Variants in MAN1A1 observed in about 807,000 individuals in gnomAD.
The protein encoded by MAN1A1 is mannosyl-oligosaccharide 1,2-alpha-mannosidase IA.
In MAN1A1, 29 loss-of-function variants were observed where a neutral mutation model predicts 70.8. That is an observed-to-expected ratio of 0.41 (90% CI 0.31 to 0.56). The LOEUF is 0.56. Ranked by LOEUF, MAN1A1 falls within the 20% of genes least tolerant of loss-of-function variation. The pLI is 0.29. For synonymous variants in MAN1A1, 349 were observed against 330.1 expected, an observed-to-expected ratio of 1.06 and a Z score of -0.62; for missense variants, 747 against 841.3, an observed-to-expected ratio of 0.89 and a Z score of 1.39.
Position 119,179,782 on chromosome 6 carries a change from G to A in MAN1A1, c.*37C>T. ...AAAAGGAATTATTAAGGTATACAGTGAAGGGAATGGAGCAGAATAAAATAT... is the reference window on the plus strand; with the variant it reads ...AAAAGGAATTATTAAGGTATACAGTAAAGGGAATGGAGCAGAATAAAATAT... On this transcript the variant is annotated 3_prime_UTR_variant, in exon 13 of 13. Transcript: ENST00000368468. The A allele has an allele frequency of 3.2e-6, 5 of 1,583,474 alleles. No homozygotes were observed. The highest frequency in any genetic ancestry group is 3.5e-6 in the Non-Finnish European group (4 of 1,154,482).
intron 6 of MAN1A1, among the ~76,000 whole-genome samples, chr6:119,242,230 G>A (rs997877003): frequency 1.3e-5 from 2 of 152,108 alleles, no homozygotes; most frequent in South Asian, 2.1e-4. Context: ...GGATTGCCTC[G>A]CATCCTTTTA....
In MAN1A1 at chr6:119,308,800, T is replaced by C. The variant is rs531551424; in HGVS notation, c.604-1808A>G. 3.9e-5 allele frequency among the ~76,000 whole-genome samples: 6 copies of C among 152,282 alleles called. No individual in the cohort carries two copies. The South Asian group carries it at 1.2e-3, about 32-fold the overall frequency. ...TTAGTAAATTCTTCATTCCTGTAAATTTCCAAAGATACTTTATAAATTCAA... is the reference window on the plus strand; with the variant it reads ...TTAGTAAATTCTTCATTCCTGTAAACTTCCAAAGATACTTTATAAATTCAA... On this transcript the variant is annotated intron_variant, in intron 2 of 12. Coordinates refer to ENST00000368468, the MANE Select transcript of MAN1A1 (RefSeq NM_005907.4).
At chr6:119,246,993 TC>T (rs1775185291) in intron 6 of MAN1A1, among the ~76,000 whole-genome samples, 1 of 151,674 alleles carries the variant, frequency 6.6e-6, no homozygotes, top group African/African-American at 2.4e-5. Context: ...CCCACCCCAC[TC>T]CCCACACCTA....
At chr6:119,193,029 T>C (rs984950793) in intron 9 of MAN1A1, among the ~76,000 whole-genome samples, 1 of 152,156 alleles carries the variant, frequency 6.6e-6, no homozygotes, top group South Asian at 2.1e-4. Context: ...TTCTTACAAA[T>C]AAATCCACAG....
intron 2 of MAN1A1, among the ~76,000 whole-genome samples, chr6:119,340,787 T>C (rs1402902206): frequency 6.6e-6 from 1 of 152,200 alleles, no homozygotes; most frequent in Non-Finnish European, 1.5e-5. Flanking sequence ...ATCTAATTAG[T>C]GACCCACATA....
At chr6:119,278,236 T>C (rs532095229) in intron 5 of MAN1A1, among the ~76,000 whole-genome samples, 1 of 152,306 alleles carries the variant, frequency 6.6e-6, no homozygotes, top group East Asian at 1.9e-4. Flanking sequence ...TCTATGCAGA[T>C]AAAATTCCAG....
rs1041993383 is a variant in MAN1A1 at position 119,178,761 on chromosome 6, C to T, written c.*1058G>A. On this transcript the variant is annotated 3_prime_UTR_variant, in exon 13 of 13. Transcript: ENST00000368468. The stretch of plus-strand genomic sequence containing the variant: ...CGAATAAGTAAAATTGGCAAAGCTT[C>T]TTTCAGAGTCAAATCCTGCTTTCAC... 1.3e-5 allele frequency: 2 copies of T among 152,054 alleles called. No individual in the cohort carries two copies. The highest frequency in any genetic ancestry group is 4.1e-4 in the South Asian group (2 of 4,828). The allele number at this position is 152,054 out of a possible 1,614,324, so 9.4% of individuals were successfully genotyped here. A position where few individuals can be genotyped will look rare whatever the true frequency, so the allele number is the denominator to read the frequency against.
chr6:119,185,030 T>C (rs531698331), intron 11 of MAN1A1, among the ~76,000 whole-genome samples: 1 of 152,152 alleles, frequency 6.6e-6, no homozygotes, highest in East Asian at 1.9e-4. Flanking sequence ...CTAGGGACTA[T>C]AGGAGTGTGC....
At chr6:119,276,415 T>C (rs1404776934) in intron 5 of MAN1A1, among the ~76,000 whole-genome samples, 1 of 152,212 alleles carries the variant, frequency 6.6e-6, no homozygotes, top group African/African-American at 2.4e-5. Context: ...ACATAACAGA[T>C]GCTTAACACA....
chr6:119,325,182 C>T (rs1773114431), intron 2 of MAN1A1, among the ~76,000 whole-genome samples: 1 of 152,174 alleles, frequency 6.6e-6, no homozygotes, highest in African/African-American at 2.4e-5. Flanking sequence ...TTTACCTTAA[C>T]AGATGACAAA....
chr6:119,289,953 T>C (rs1414238435), intron 5 of MAN1A1, among the ~76,000 whole-genome samples: 2 of 152,130 alleles, frequency 1.3e-5, no homozygotes, highest in African/African-American at 4.8e-5. Context: ...TGTCAACATT[T>C]AACACTGTCA....
At chr6:119,223,930 A>G (rs1774435512) in intron 6 of MAN1A1, among the ~76,000 whole-genome samples, 1 of 152,208 alleles carries the variant, frequency 6.6e-6, no homozygotes, top group African/African-American at 2.4e-5. Flanking sequence ...CAGAGCATTA[A>G]CCATTGAAAG....
intron 5 of MAN1A1, 118 bp from the exon 6 acceptor site, chr6:119,248,472 T>C: frequency 1.6e-6 from 1 of 633,086 alleles, no homozygotes; most frequent in East Asian, 2.8e-5. Context: ...CTACTTTTAA[T>C]ATCTGACAAA....
At chr6:119,215,808 G>A (rs1456851234) in intron 6 of MAN1A1, among the ~76,000 whole-genome samples, 1 of 152,192 alleles carries the variant, frequency 6.6e-6, no homozygotes, top group Admixed American at 6.5e-5. Flanking sequence ...TAAGTGGAAT[G>A]CCAATGTGAA....
chr6:119,226,850 T>G (rs1052617150), intron 6 of MAN1A1, among the ~76,000 whole-genome samples: 54 of 151,914 alleles, frequency 3.6e-4, no homozygotes, highest in Non-Finnish European at 6.6e-4. Flanking sequence ...TATATATTTT[T>G]TAGTAGAGAC....
chr6:119,239,002 TG>T (rs1459944784), intron 6 of MAN1A1, among the ~76,000 whole-genome samples: 2 of 152,152 alleles, frequency 1.3e-5, no homozygotes, highest in South Asian at 2.1e-4. Context: ...GCCATTCTCC[TG>T]CCTCAGCCTG....
chr6:119,260,982 T>C lies in MAN1A1; in HGVS notation c.898-12628A>G, dbSNP rs1190704805. On this transcript the variant is annotated intron_variant, in intron 5 of 12. Transcript: ENST00000368468. ...AATGTCTTGTTTTTTTATTGTTTTT[T>C]TTTTTTTTTTTTTTGAGATGGAGTC... Among the ~76,000 whole-genome samples, 71 of 135,470 alleles carry C rather than the reference T, an allele frequency of 5.2e-4. 3 individuals are homozygous for C. Among genetic ancestry groups the C allele is most frequent in the Admixed American group, 1.9e-3 (26 of 13,974 alleles). The allele number at this position is 135,470 out of a possible 152,430, so 88.9% of individuals were successfully genotyped here. A position where few individuals can be genotyped will look rare whatever the true frequency, so the allele number is the denominator to read the frequency against.
intron 2 of MAN1A1, among the ~76,000 whole-genome samples, chr6:119,336,829 C>T (rs1228504822): frequency 6.6e-6 from 1 of 152,128 alleles, no homozygotes; most frequent in African/African-American, 2.4e-5. Context: ...ACAAAACCAA[C>T]TCTAGGTATA....
chr6:119,268,018 C>G (rs1022674194), intron 5 of MAN1A1, among the ~76,000 whole-genome samples: 1 of 152,120 alleles, frequency 6.6e-6, no homozygotes, highest in Non-Finnish European at 1.5e-5. Flanking sequence ...TTTGGCAAGA[C>G]TATAGGTGAT....
Sources: gnomAD v4.1 joint callset for allele counts (sites outside exome capture counted in the v4.1 genomes callset) on GRCh38, gnomAD v4.1.1 for gene constraint, MANE v1.5 for transcripts, NCBI Gene and HGNC (gene_info 2026-07-23, HGNC 2026-07-21) for gene names.